Variants in MRPS28 observed in about 807,000 individuals in gnomAD.
The protein encoded by MRPS28 is mitochondrial ribosomal protein S28.
Under a neutral mutation model 10.8 loss-of-function variants are expected in MRPS28, and 7 were observed. That is an observed-to-expected ratio of 0.65 (90% CI 0.37 to 1.22). MRPS28 has a LOEUF of 1.22. MRPS28 is among the 50% of genes most tolerant of loss of function. The pLI is 0.02. For synonymous variants in MRPS28, 121 were observed against 93.3 expected (o/e 1.30, Z -1.71); for missense variants, 265 against 232.9 (o/e 1.14, Z -0.90).
chr8:79,987,896 A>G (rs1165117222), intron 2 of MRPS28, among the ~76,000 whole-genome samples: 1 of 152,180 alleles, frequency 6.6e-6, no homozygotes, highest in Non-Finnish European at 1.5e-5. Flanking sequence ...TAGAAGTACC[A>G]TTTGACCCAG....
chr8:79,944,719 A>G (rs1245803531), intron 2 of MRPS28, among the ~76,000 whole-genome samples: 2 of 63,862 alleles, frequency 3.1e-5, no homozygotes, highest in Non-Finnish European at 5.8e-5. Flanking sequence ...TTTTTGAGAC[A>G]AGGTCTCACT....
chr8:79,992,630 CATTATG>C (rs1218690892), intron 2 of MRPS28, among the ~76,000 whole-genome samples: 1 of 152,190 alleles, frequency 6.6e-6, no homozygotes, highest in Non-Finnish European at 1.5e-5. Flanking sequence ...GCATTAAGCA[CATTATG>C]ATTAAGGTAC....
intron 2 of MRPS28, among the ~76,000 whole-genome samples, chr8:79,946,219 T>A (rs1003794239): frequency 3.3e-5 from 5 of 152,124 alleles, no homozygotes; most frequent in Non-Finnish European, 7.4e-5. Context: ...AATCAAAATG[T>A]CCCATCTTGA....
intron 2 of MRPS28, among the ~76,000 whole-genome samples, chr8:79,981,464 T>A (rs1807951018): frequency 2.6e-5 from 4 of 152,268 alleles, no homozygotes; most frequent in Admixed American, 2.6e-4. Flanking sequence ...AGATATTTAG[T>A]TTCTCAAATA....
intron 1 of MRPS28, among the ~76,000 whole-genome samples, chr8:80,028,005 G>A (rs772213262): frequency 1.1e-4 from 16 of 152,106 alleles, no homozygotes; most frequent in Non-Finnish European, 2.1e-4. Context: ...AAACTGAACA[G>A]CCCAATTAGA....
intron 2 of MRPS28, among the ~76,000 whole-genome samples, chr8:79,926,927 A>G (rs1810247736): frequency 1.3e-5 from 2 of 152,238 alleles, no homozygotes; most frequent in Non-Finnish European, 2.9e-5. Context: ...AACACTTCCC[A>G]TATGAGTCTG....
At chr8:80,015,175 A>G (rs1586098241) in intron 1 of MRPS28, among the ~76,000 whole-genome samples, 1 of 152,230 alleles carries the variant, frequency 6.6e-6, no homozygotes, top group East Asian at 1.9e-4. Context: ...TACAGTGAAT[A>G]TAGGAGAAAA....
rs375561244 is a variant in MRPS28, at chr8:79,984,022, C to G, written c.395+18977G>C. ...GGAAAAAATGTTAAGGGCAGCCAGA[C>G]AGAAAGGTCGGGTTACCCACAAAGG... On this transcript the variant is annotated intron_variant, in intron 2 of 2. Coordinates refer to ENST00000276585, the MANE Select transcript of MRPS28 (RefSeq NM_014018.3). Among the ~76,000 whole-genome samples, 89 of 152,158 alleles carry G rather than the reference C, an allele frequency of 5.8e-4. No individual in the cohort carries two copies. The East Asian group carries it at 7.3e-3, about 13-fold the overall frequency.
intron 2 of MRPS28, among the ~76,000 whole-genome samples, chr8:79,949,454 T>C (rs185625691): frequency 4.6e-4 from 70 of 151,130 alleles, no homozygotes; most frequent in Admixed American, 3.5e-3. Context: ...ACAAAACTAA[T>C]CTGCTTTTGG....
intron 2 of MRPS28, among the ~76,000 whole-genome samples, chr8:79,921,129 A>G (rs1026610076): frequency 4.0e-5 from 6 of 151,530 alleles, no homozygotes; most frequent in South Asian, 2.1e-4. Context: ...TGAGGGCTCC[A>G]TTCTGTTCCA....
chr8:79,938,900 A>G (rs926717748), intron 2 of MRPS28, among the ~76,000 whole-genome samples: 3 of 152,222 alleles, frequency 2.0e-5, no homozygotes, highest in Non-Finnish European at 4.4e-5. Flanking sequence ...ACATTTACAA[A>G]TATTTATTAA....
In MRPS28 at chr8:80,030,076, C is replaced by G. The variant is rs575217241; in HGVS notation, c.173G>C (p.Arg58Pro). ...RAGGFASALE[R>P]HSELLQKVEP... ...CACCTTCTGTAGAAGCTCCGAGTGCCGCTCCAACGCGCTCGCGAAACCGCC... is the reference window on the plus strand; with the variant it reads ...CACCTTCTGTAGAAGCTCCGAGTGCGGCTCCAACGCGCTCGCGAAACCGCC... The change falls in exon 1 of 3, where the codon CGG (arginine) becomes CCG (proline). Residue 58 changes from arginine (R) to proline (P), a missense_variant. Physicochemically the swap from Arg to Pro is moderately radical, Grantham distance 103. Transcript: ENST00000276585. 2 of 1,609,740 alleles carry G rather than the reference C, an allele frequency of 1.2e-6. No individual in the cohort carries two copies. The highest frequency in any genetic ancestry group is 1.1e-5 in the South Asian group (1 of 90,988).
intron 2 of MRPS28, among the ~76,000 whole-genome samples, chr8:79,986,761 C>T (rs1332147001): frequency 6.7e-6 from 1 of 149,712 alleles, no homozygotes; most frequent in African/African-American, 2.6e-5. Flanking sequence ...AACCACTGCT[C>T]AACGAAATAA....
At position 79,918,939 on chromosome 8, in the gene MRPS28, C is replaced by A; in HGVS notation, c.*41G>T. On this transcript the variant is annotated 3_prime_UTR_variant, in exon 3 of 3. Transcript: ENST00000276585. ...GTCTAATTGCATTCTTGATGAATAA[C>A]TGACTTCAGCAAAGGAGTCAATCCA... The A allele has an allele frequency of 7.2e-7, 1 of 1,380,720 alleles. No homozygotes were observed. The highest frequency in any genetic ancestry group is 1.9e-5 in the South Asian group (1 of 51,396). The allele number at this position is 1,380,720 out of a possible 1,614,324, so 85.5% of individuals were successfully genotyped here.
At chr8:79,990,989 CAAA>C (rs60436244) in intron 2 of MRPS28, among the ~76,000 whole-genome samples, 18 of 118,882 alleles carry the variant, frequency 1.5e-4, no homozygotes, top group Admixed American at 2.5e-4. Context: ...GACTCCATCT[CAAA>C]AAAAAAAAAA....
intron 2 of MRPS28, among the ~76,000 whole-genome samples, chr8:79,989,953 A>C (rs1011607948): frequency 2.6e-5 from 4 of 152,158 alleles, no homozygotes; most frequent in African/African-American, 9.7e-5. Context: ...CAAGAGTTCA[A>C]GACTAGCCTG....
At chr8:79,945,665 T>C (rs746234786) in intron 2 of MRPS28, among the ~76,000 whole-genome samples, 8 of 152,176 alleles carry the variant, frequency 5.3e-5, no homozygotes, top group Non-Finnish European at 1.0e-4. Flanking sequence ...ATAAAAACAA[T>C]ACGTGGCAGA....
chr8:80,003,302 G>A lies in MRPS28; in HGVS notation c.214-122C>T, dbSNP rs932772537. ...AATTTTAAAATATATGTGGAATTTT[G>A]CTTTAAAATGCCAGTTATGCTCTTC... On this transcript the variant is annotated intron_variant, in intron 1 of 2. Coordinates refer to ENST00000276585, the MANE Select transcript of MRPS28 (RefSeq NM_014018.3). 5.7e-6 allele frequency: 4 copies of A among 703,542 alleles called. No homozygotes were observed. The African/African-American group carries it at 7.3e-5, about 13-fold the overall frequency. The allele number at this position is 703,542 out of a possible 1,614,324, so 43.6% of individuals were successfully genotyped here.
At chr8:79,922,138 A>T (rs935595070) in intron 2 of MRPS28, among the ~76,000 whole-genome samples, 2 of 152,218 alleles carry the variant, frequency 1.3e-5, no homozygotes, top group Non-Finnish European at 2.9e-5. Context: ...GCAAAATGGA[A>T]AAATGTCTAA....
Sources: allele counts gnomAD v4.1 joint callset (sites outside exome capture counted in the v4.1 genomes callset), GRCh38; gene constraint gnomAD v4.1.1; transcripts MANE v1.5; gene names NCBI Gene and HGNC (gene_info 2026-07-23, HGNC 2026-07-21).